FBXW7: variants seen among roughly 807,000 people sequenced by gnomAD.
FBXW7 encodes the protein F-box/WD repeat-containing protein 7.
Under a neutral mutation model 86.3 loss-of-function variants are expected in FBXW7, and 11 were observed. That is an observed-to-expected ratio of 0.13 (90% confidence interval 0.08 to 0.21). FBXW7 has a LOEUF of 0.21. FBXW7 is among the 10% of genes least tolerant of loss of function. FBXW7 has a pLI of 1.00. For missense variants in FBXW7, 488 were observed against 847.4 expected (o/e 0.58, Z 5.27); for synonymous variants, 313 against 297.9 (o/e 1.05, Z -0.52).
At chr4:152,442,383 C>A (rs1483999180) in intron 2 of FBXW7, among the ~76,000 whole-genome samples, 1 of 152,314 alleles carries the variant, frequency 6.6e-6, no homozygotes, top group South Asian at 2.1e-4. Context: ...TCCAAGATGG[C>A]TTCCCAAGTA....
At chr4:152,401,907 C>T (rs777802905) in intron 4 of FBXW7, among the ~76,000 whole-genome samples, 73 of 152,118 alleles carry the variant, frequency 4.8e-4, no homozygotes, top group Non-Finnish European at 9.7e-4. Context: ...ATTTCGCAGA[C>T]CTCAAGGATC....
At chr4:152,475,115 TG>T in intron 2 of FBXW7, among the ~76,000 whole-genome samples, 1 of 149,230 alleles carries the variant, frequency 6.7e-6, no homozygotes, top group Non-Finnish European at 1.5e-5. Flanking sequence ...AATAAATATA[TG>T]TATATTTATT....
At chr4:152,528,735 C>T (rs979574175) in intron 2 of FBXW7, among the ~76,000 whole-genome samples, 1 of 152,082 alleles carries the variant, frequency 6.6e-6, no homozygotes, top group African/African-American at 2.4e-5. Context: ...TTTAAACATA[C>T]TGTGAAAGGT....
intron 4 of FBXW7, chr4:152,382,102 C>A: frequency 1.1e-6 from 1 of 884,516 alleles, no homozygotes; most frequent in Admixed American, 2.8e-5. Flanking sequence ...TAAATAAAAA[C>A]TGAAATTTGA....
intron 10 of FBXW7, 74 bp downstream of exon 10, chr4:152,329,595 TTTC>T (rs1258165574): frequency 1.5e-6 from 1 of 651,432 alleles, no homozygotes; most frequent in Non-Finnish European, 2.5e-6. Flanking sequence ...GAATTATTGT[TTTC>T]TTTTTTCCAG....
chr4:152,463,569 AG>A (rs1743153733), intron 2 of FBXW7, among the ~76,000 whole-genome samples: 2 of 152,200 alleles, frequency 1.3e-5, no homozygotes, highest in African/African-American at 4.8e-5. Context: ...CATTATCTTA[AG>A]AAAAAAAAAG....
chr4:152,426,627 C>A (rs1436212942), intron 2 of FBXW7, among the ~76,000 whole-genome samples: 1 of 152,160 alleles, frequency 6.6e-6, no homozygotes, highest in Non-Finnish European at 1.5e-5. Context: ...CAACAGAGAT[C>A]AGACCTGTAA....
Position 152,324,388 on chromosome 4 carries a change from C to T in FBXW7, c.1651G>A (p.Gly551Ser), listed in dbSNP as rs1728814255. ...TNRVYSLQFD[G>S]IHVVSGSLDT... is the part of the protein sequence containing the mutation. The stretch of plus-strand genomic sequence containing the variant: ...AGAGATCCACTCACCACATGGATAC[C>T]ATCAAACTACAAAAGACACAGTTTA... The change falls in exon 13 of 14, where the codon GGT becomes AGT. Residue 551 changes from glycine to serine, a missense_variant. This residue lies in a region of FBXW7 where 142 missense variants were observed against 406.6 expected (regional missense o/e 0.35). Coordinates refer to ENST00000281708, the MANE Select transcript of FBXW7 (RefSeq NM_001349798.2). The T allele has an allele frequency of 1.3e-5, 20 of 1,586,340 alleles. No individual in the cohort carries two copies. The highest frequency in any genetic ancestry group is 1.7e-5 in the Non-Finnish European group (20 of 1,163,918).
intron 2 of FBXW7, among the ~76,000 whole-genome samples, chr4:152,487,431 T>C (rs1298628634): frequency 6.6e-6 from 1 of 152,082 alleles, no homozygotes; most frequent in Non-Finnish European, 1.5e-5. Context: ...TCAACATGAA[T>C]AAATCTTGAT....
chr4:152,534,517 CA>C (rs774075198), intron 2 of FBXW7, among the ~76,000 whole-genome samples: 21 of 152,096 alleles, frequency 1.4e-4, no homozygotes, highest in Admixed American at 2.6e-4. Context: ...ATTTTACTTT[CA>C]GGGGTCCACA....
intron 2 of FBXW7, among the ~76,000 whole-genome samples, chr4:152,530,070 TACACACACAC>T (rs200498212): frequency 0.014 from 1,794 of 124,650 alleles, 33 homozygotes; most frequent in East Asian, 0.046. Context: ...AAAAAAAAAA[TACACACACAC>T]ACACACACAC....
intron 4 of FBXW7, among the ~76,000 whole-genome samples, chr4:152,373,954 A>G (rs966396600): frequency 3.9e-5 from 6 of 152,026 alleles, no homozygotes; most frequent in Admixed American, 3.3e-4. Context: ...AAAAAGACCA[A>G]AGGATCTAAA....
At chr4:152,466,011 G>A (rs796767887) in intron 2 of FBXW7, among the ~76,000 whole-genome samples, 1 of 152,050 alleles carries the variant, frequency 6.6e-6, no homozygotes, top group Non-Finnish European at 1.5e-5. Context: ...AAAGAATACT[G>A]TCAAATAACA....
chr4:152,418,087 TAAAC>T (rs897538578), intron 2 of FBXW7, among the ~76,000 whole-genome samples: 2 of 151,434 alleles, frequency 1.3e-5, no homozygotes, highest in African/African-American at 4.9e-5. Context: ...TTAACTTCAT[TAAAC>T]AAAGGTCATT....
intron 2 of FBXW7, among the ~76,000 whole-genome samples, chr4:152,476,754 T>TG (rs1744436156): frequency 6.6e-6 from 1 of 152,172 alleles, no homozygotes; most frequent in African/African-American, 2.4e-5. Flanking sequence ...AAAATATTAT[T>TG]GGGAGACAAT....
chr4:152,372,542 T>G (rs1016554258), intron 4 of FBXW7, among the ~76,000 whole-genome samples: 2 of 152,022 alleles, frequency 1.3e-5, no homozygotes, highest in African/African-American at 2.4e-5. Flanking sequence ...TAGGTTTTGC[T>G]ACCTTTATTT....
intron 2 of FBXW7, among the ~76,000 whole-genome samples, chr4:152,528,698 T>C (rs1300656503): frequency 6.6e-6 from 1 of 152,196 alleles, no homozygotes; most frequent in African/African-American, 2.4e-5. Context: ...TCAGAAAATG[T>C]CACGTACTTT....
intron 9 of FBXW7, 137 bp downstream of exon 9, chr4:152,330,595 C>G: frequency 1.5e-6 from 1 of 678,286 alleles, no homozygotes. Flanking sequence ...TCAGTTAATA[C>G]TTTCAGTTAT....
At chr4:152,500,391 A>G (rs1477761344) in intron 2 of FBXW7, among the ~76,000 whole-genome samples, 1 of 151,322 alleles carries the variant, frequency 6.6e-6, no homozygotes, top group Admixed American at 6.6e-5. Flanking sequence ...TAACTGCACC[A>G]TACCAATACA....
Sources: allele counts gnomAD v4.1 joint callset (sites outside exome capture counted in the v4.1 genomes callset), GRCh38; gene constraint gnomAD v4.1.1; regional missense constraint gnomAD v4.1.1; transcripts MANE v1.5; gene names NCBI Gene and HGNC (gene_info 2026-07-23, HGNC 2026-07-21).